The following ANKFY1 variants were observed in gnomAD, a reference collection of about 807,000 sequenced individuals.
ANKFY1 encodes the protein ankyrin repeat and FYVE domain-containing protein 1.
ANKFY1 carries 47 observed loss-of-function variants against 128.3 expected under a neutral mutation model. The observed-to-expected ratio is 0.37, with a 90% confidence interval of 0.29 to 0.47. The LOEUF (loss-of-function observed/expected upper bound fraction) is 0.47. Ranked by LOEUF, ANKFY1 falls within the 20% of genes least tolerant of loss-of-function variation. ANKFY1 has a pLI of 1.00. For synonymous variants in ANKFY1, 553 were observed against 601.6 expected (o/e 0.92, Z 1.18); for missense variants, 1,222 against 1,510.6 (o/e 0.81, Z 3.17).
intron 1 of ANKFY1, among the ~76,000 whole-genome samples, chr17:4,253,023 C>T (rs1242137604): frequency 2.0e-5 from 3 of 152,184 alleles, no homozygotes; most frequent in Non-Finnish European, 4.4e-5. Context: ...AGTTCGAGAC[C>T]AGCCTGGCCA....
chr17:4,262,670 C>A (rs1461898055), intron 1 of ANKFY1, among the ~76,000 whole-genome samples: 1 of 151,934 alleles, frequency 6.6e-6, no homozygotes, highest in East Asian at 1.9e-4. Flanking sequence ...TCGCTTGAGC[C>A]CAGGAGACTG....
At chr17:4,212,514 G>C (rs1440979739) in intron 4 of ANKFY1, among the ~76,000 whole-genome samples, 1 of 152,184 alleles carries the variant, frequency 6.6e-6, no homozygotes, top group East Asian at 1.9e-4. Flanking sequence ...GGAAGTTTGA[G>C]GTCCCTCTAC....
intron 3 of ANKFY1, among the ~76,000 whole-genome samples, chr17:4,234,219 C>A (rs890908894): frequency 6.6e-6 from 1 of 152,144 alleles, no homozygotes; most frequent in Non-Finnish European, 1.5e-5. Flanking sequence ...CTATGATGCT[C>A]CCACAACAAA....
chr17:4,242,906 T>G (rs1041662978), intron 1 of ANKFY1, among the ~76,000 whole-genome samples: 36 of 152,280 alleles, frequency 2.4e-4, no homozygotes, highest in African/African-American at 8.7e-4. Flanking sequence ...ACAAAATCCT[T>G]CACCATAAAG....
chr17:4,173,235 A>G, intron 21 of ANKFY1, 119 bp downstream of exon 21: 1 of 823,468 alleles, frequency 1.2e-6, no homozygotes, highest in Non-Finnish European at 2.0e-6. Flanking sequence ...GAAGCTGGTG[A>G]GGTGCCCCAG....
At chr17:4,182,378 G>A (rs751733376) in intron 14 of ANKFY1, 29 bp from the exon 15 acceptor site, 22 of 1,488,576 alleles carry the variant, frequency 1.5e-5, no homozygotes, top group Non-Finnish European at 1.8e-5. Context: ...CCAAACCAAC[G>A]TTTGTGGTTG....
At chr17:4,172,956 T>C (rs1434524090) in intron 21 of ANKFY1, among the ~76,000 whole-genome samples, 1 of 152,184 alleles carries the variant, frequency 6.6e-6, no homozygotes, top group African/African-American at 2.4e-5. Flanking sequence ...GCCTCCCGGG[T>C]TCACGCCATT....
At chr17:4,215,666 T>C (rs540249426) in intron 4 of ANKFY1, among the ~76,000 whole-genome samples, 2 of 152,316 alleles carry the variant, frequency 1.3e-5, no homozygotes, top group East Asian at 3.9e-4. Context: ...TCTGGTAATG[T>C]TGACAGTTAT....
chr17:4,175,716 C>A (rs369068876), intron 19 of ANKFY1, among the ~76,000 whole-genome samples: 4 of 152,250 alleles, frequency 2.6e-5, no homozygotes, highest in African/African-American at 9.6e-5. Context: ...ACTCTCCATA[C>A]GGGACGTCTC....
rs111524749 is a variant in ANKFY1 at position 4,219,717 on chromosome 17, A to G, written c.323-2599T>C. ...AAACAACCAGATATTAAAAGTAAAA[A>G]AAAAAGAAAAAGAAAAAGAAAAAGT... is the stretch of plus-strand genomic sequence containing the variant. On this transcript the variant is annotated intron_variant, in intron 3 of 24. Transcript: ENST00000341657. Among the ~76,000 whole-genome samples, 187 of 152,324 alleles carry G rather than the reference A, an allele frequency of 1.2e-3. 1 individual carries two copies. The highest frequency in any genetic ancestry group is 4.3e-3 in the African/African-American group (179 of 41,570).
chr17:4,192,173 C>A (rs2059728996), intron 10 of ANKFY1, among the ~76,000 whole-genome samples: 2 of 145,762 alleles, frequency 1.4e-5, no homozygotes, highest in African/African-American at 5.2e-5. Context: ...CTGGAGACTC[C>A]TAGTTGATGG....
At chr17:4,263,600 C>G (rs1191257717) in intron 1 of ANKFY1, 2 of 1,534,934 alleles carry the variant, frequency 1.3e-6, no homozygotes, top group Admixed American at 3.9e-5. Context: ...CTTACTTCCC[C>G]CGGCGTCCCG....
At chr17:4,213,266 T>C (rs2060166773) in intron 4 of ANKFY1, among the ~76,000 whole-genome samples, 1 of 151,758 alleles carries the variant, frequency 6.6e-6, no homozygotes, top group Non-Finnish European at 1.5e-5. Context: ...CTCGGCTCAC[T>C]GCAACCTCCG....
chr17:4,250,095 A>G (rs563776351), intron 1 of ANKFY1, among the ~76,000 whole-genome samples: 1 of 152,112 alleles, frequency 6.6e-6, no homozygotes, highest in African/African-American at 2.4e-5. Context: ...TTCACCTCCT[A>G]TTCTGACTAC....
chr17:4,165,102 G>A lies in ANKFY1; in HGVS notation c.*2677C>T, dbSNP rs1172419958. On this transcript the variant is annotated 3_prime_UTR_variant, in exon 25 of 25. Coordinates refer to ENST00000341657, the MANE Select transcript of ANKFY1 (RefSeq NM_001330063.2). Reference sequence around the variant, plus strand: ...GGCACTTAAGTTTATGGGAAATTTCGGTGTTAGAGGATCATAGCAAATTAG... The same window carrying A: ...GGCACTTAAGTTTATGGGAAATTTCAGTGTTAGAGGATCATAGCAAATTAG... The A allele has an allele frequency of 1.3e-5, 2 of 152,168 alleles. No individual in the cohort carries two copies. Among genetic ancestry groups the A allele is most frequent in the African/African-American group, 2.4e-5 (1 of 41,438 alleles). 9.4% of individuals were successfully genotyped at this position (152,168 alleles called of 1,614,324 possible). A position where few individuals can be genotyped will look rare whatever the true frequency, so the allele number is the denominator to read the frequency against.
At chr17:4,246,937 C>T (rs1296590330) in intron 1 of ANKFY1, among the ~76,000 whole-genome samples, 1 of 151,868 alleles carries the variant, frequency 6.6e-6, no homozygotes, top group African/African-American at 2.4e-5. Flanking sequence ...CATGGTGAAA[C>T]CCCGTCTCTA....
intron 10 of ANKFY1, 131 bp from the exon 11 acceptor site, chr17:4,189,610 T>C (rs1343044512): frequency 1.3e-6 from 1 of 775,666 alleles, no homozygotes; most frequent in Non-Finnish European, 2.1e-6. Flanking sequence ...CACCAGACAG[T>C]AGGCCCACGC....
At chr17:4,229,698 G>C (rs1395995100) in intron 3 of ANKFY1, among the ~76,000 whole-genome samples, 1 of 152,184 alleles carries the variant, frequency 6.6e-6, no homozygotes, top group East Asian at 1.9e-4. Context: ...AGATTATTTT[G>C]AGCTCTGAGA....
chr17:4,251,261 C>G (rs1967810851), intron 1 of ANKFY1, among the ~76,000 whole-genome samples: 1 of 152,048 alleles, frequency 6.6e-6, no homozygotes, highest in South Asian at 2.1e-4. Flanking sequence ...AAAACTAACT[C>G]AAAATCACAT....
Sources: gnomAD v4.1 joint callset for allele counts (sites outside exome capture counted in the v4.1 genomes callset) on GRCh38, gnomAD v4.1.1 for gene constraint, MANE v1.5 for transcripts, NCBI Gene and HGNC (gene_info 2026-07-23, HGNC 2026-07-21) for gene names.